Variants in HFM1 observed in about 807,000 individuals in gnomAD.
The protein encoded by HFM1 is probable ATP-dependent DNA helicase HFM1.
In HFM1, 169 loss-of-function variants were observed where a neutral mutation model predicts 192.1. The observed-to-expected ratio is 0.88, with a 90% confidence interval of 0.78 to 1.00. The LOEUF (loss-of-function observed/expected upper bound fraction) is 1.00. HFM1 is among the 50% of genes least tolerant of loss of function. The pLI is 0.00. For missense variants in HFM1, 1,661 were observed against 1,668.0 expected (o/e 1.00, Z 0.07); for synonymous variants, 525 against 537.8 (o/e 0.98, Z 0.33).
chr1:91,291,061 G>A (rs1225038063), intron 30 of HFM1, among the ~76,000 whole-genome samples: 1 of 151,966 alleles, frequency 6.6e-6, no homozygotes, highest in Non-Finnish European at 1.5e-5. Context: ...AGTGTGTAGA[G>A]GGAAATTTAT....
intron 36 of HFM1, among the ~76,000 whole-genome samples, chr1:91,264,316 T>G (rs1665462005): frequency 6.8e-6 from 1 of 146,210 alleles, no homozygotes; most frequent in Admixed American, 7.0e-5. Context: ...TAATCAGTAA[T>G]GGCCAAATAA....
chr1:91,295,291 A>G (rs1411059742), intron 30 of HFM1, among the ~76,000 whole-genome samples: 2 of 152,242 alleles, frequency 1.3e-5, no homozygotes, highest in African/African-American at 4.8e-5. Context: ...CTGCCATAAC[A>G]AAGTGGCAGA....
chr1:91,373,136 T>C (rs1033915470), intron 13 of HFM1, among the ~76,000 whole-genome samples: 2 of 60,542 alleles, frequency 3.3e-5, no homozygotes, highest in African/African-American at 1.3e-4. Flanking sequence ...ATAGTCTACC[T>C]TTTTAGTGGA....
At chr1:91,362,068 C>A (rs1480182118) in intron 13 of HFM1, among the ~76,000 whole-genome samples, 1 of 152,152 alleles carries the variant, frequency 6.6e-6, no homozygotes, top group Admixed American at 6.6e-5. Context: ...CTATATATGA[C>A]AAACCCATAG....
intron 13 of HFM1, among the ~76,000 whole-genome samples, chr1:91,360,948 G>A (rs560620909): frequency 6.6e-6 from 1 of 152,178 alleles, no homozygotes; most frequent in South Asian, 2.1e-4. Context: ...AATGACTCTT[G>A]GGTAAATAAT....
chr1:91,348,679 G>C (rs995998065), intron 18 of HFM1, among the ~76,000 whole-genome samples: 104 of 151,996 alleles, frequency 6.8e-4, no homozygotes, highest in Non-Finnish European at 5.0e-4. Context: ...CAGCACTTTG[G>C]GAGGGTGAAA....
intron 3 of HFM1, among the ~76,000 whole-genome samples, chr1:91,395,461 T>C (rs982079680): frequency 2.6e-5 from 4 of 152,152 alleles, no homozygotes; most frequent in African/African-American, 9.7e-5. Context: ...TGGGGGTATG[T>C]ATGTATTTAG....
chr1:91,285,330 T>C (rs1667855746), intron 30 of HFM1, among the ~76,000 whole-genome samples: 2 of 152,220 alleles, frequency 1.3e-5, no homozygotes, highest in South Asian at 4.1e-4. Context: ...TTTGATGATA[T>C]ACAAAATTGA....
At chr1:91,267,997 G>A (rs542818569) in intron 34 of HFM1, 142 bp from the exon 35 acceptor site, 1 of 591,342 alleles carries the variant, frequency 1.7e-6, no homozygotes, top group East Asian at 3.1e-5. Context: ...TCTGTTATGT[G>A]TATGTATAAA....
At chr1:91,348,241 T>C (rs765661543) in intron 18 of HFM1, among the ~76,000 whole-genome samples, 4 of 151,942 alleles carry the variant, frequency 2.6e-5, no homozygotes, top group Non-Finnish European at 5.9e-5. Context: ...AAAGTAACTA[T>C]GAAAAGGAAG....
At chr1:91,387,575 C>G (rs1662380663) in intron 4 of HFM1, among the ~76,000 whole-genome samples, 1 of 152,106 alleles carries the variant, frequency 6.6e-6, no homozygotes, top group South Asian at 2.1e-4. Context: ...AACTCCCCAC[C>G]TGGCACTGTC....
At chr1:91,383,287 A>G (rs1428604813) in intron 6 of HFM1, among the ~76,000 whole-genome samples, 1 of 152,202 alleles carries the variant, frequency 6.6e-6, no homozygotes, top group African/African-American at 2.4e-5. Context: ...AAGGGATAAG[A>G]AGAATCAGCC....
Position 91,345,048 on chromosome 1 carries a change from T to A in HFM1, c.2255-1538A>T, listed in dbSNP as rs151175685. On this transcript the variant is annotated intron_variant, in intron 19 of 38. Transcript: ENST00000370425. The stretch of plus-strand genomic sequence containing the variant: ...CAGGCATGAACCACCATGCCCAACC[T>A]ATATGTATTTCTCATAAACGCTACA... Among the ~76,000 whole-genome samples, 1,068 of 152,206 alleles carry A rather than the reference T, an allele frequency of 7.0e-3. 14 individuals are homozygous for A. Among genetic ancestry groups the A allele is most frequent in the African/African-American group, 0.024 (996 of 41,526 alleles).
At chr1:91,292,995 G>A (rs1251143319) in intron 30 of HFM1, among the ~76,000 whole-genome samples, 1 of 152,088 alleles carries the variant, frequency 6.6e-6, no homozygotes, top group Non-Finnish European at 1.5e-5. Flanking sequence ...AAACTGGCTA[G>A]CCATATGTAG....
At chr1:91,285,124 T>G (rs748593504) in intron 30 of HFM1, among the ~76,000 whole-genome samples, 1 of 152,196 alleles carries the variant, frequency 6.6e-6, no homozygotes, top group Non-Finnish European at 1.5e-5. Context: ...TCTGCCATGA[T>G]TGTGAGGCCT....
chr1:91,321,565 A>G (rs1652112121), intron 23 of HFM1, among the ~76,000 whole-genome samples: 1 of 152,222 alleles, frequency 6.6e-6, no homozygotes, highest in African/African-American at 2.4e-5. Context: ...GAAGTTCAGC[A>G]AAGTAACAGG....
At chr1:91,286,161 T>C (rs772487589) in intron 30 of HFM1, among the ~76,000 whole-genome samples, 1 of 152,224 alleles carries the variant, frequency 6.6e-6, no homozygotes, top group Non-Finnish European at 1.5e-5. Context: ...CCCTAGAAAC[T>C]ATCTTTCTGT....
chr1:91,311,305 T>G (rs188491347), intron 30 of HFM1, among the ~76,000 whole-genome samples: 5 of 152,112 alleles, frequency 3.3e-5, no homozygotes. Context: ...ATTCAAGAGG[T>G]GATATGGTAC....
At chr1:91,262,072 GA>G (rs2100653583) in intron 38 of HFM1, 168 bp downstream of exon 38, 1 of 394,672 alleles carries the variant, frequency 2.5e-6, no homozygotes, top group East Asian at 3.9e-5. Flanking sequence ...TATGATGTTT[GA>G]AACATCTTAA....
Sources: allele counts gnomAD v4.1 joint callset (sites outside exome capture counted in the v4.1 genomes callset), GRCh38; gene constraint gnomAD v4.1.1; transcripts MANE v1.5; gene names NCBI Gene and HGNC (gene_info 2026-07-23, HGNC 2026-07-21).